Variants in GSE1 observed in about 807,000 individuals in gnomAD.
GSE1 encodes the protein Gse1 coiled-coil protein.
A neutral mutation model predicts 112.6 loss-of-function variants in GSE1; 32 were observed. The observed-to-expected ratio is 0.28, with a 90% CI of 0.21 to 0.38. The LOEUF (loss-of-function observed/expected upper bound fraction) is 0.38. Among genes scored for constraint, GSE1 ranks in the 10% least tolerant of loss-of-function variants. The probability of loss-of-function intolerance (pLI) is 1.00; values close to 1 mark genes in which losing one functional copy is unlikely to be tolerated. For missense variants in GSE1, 2,348 were observed against 1,699.2 expected (o/e 1.38, Z -6.71); for synonymous variants, 1,115 against 735.6 (o/e 1.52, Z -8.35).
At chr16:85,451,243 T>C (rs1421570330) in intron 2 of GSE1, among the ~76,000 whole-genome samples, 1 of 152,148 alleles carries the variant, frequency 6.6e-6, no homozygotes, top group African/African-American at 2.4e-5. Context: ...AATTCCATGG[T>C]GTCCTTTTGT....
At chr16:85,469,398 G>T (rs939882799) in intron 2 of GSE1, among the ~76,000 whole-genome samples, 23 of 152,160 alleles carry the variant, frequency 1.5e-4, no homozygotes. Flanking sequence ...ATGCGCTGGC[G>T]CCCACCAGAT....
At chr16:85,383,110 C>A (rs111210022) in intron 2 of GSE1, among the ~76,000 whole-genome samples, 1 of 151,396 alleles carries the variant, frequency 6.6e-6, no homozygotes, top group African/African-American at 2.4e-5. Flanking sequence ...GCCTGTGCAC[C>A]CACACACAGC....
rs536020647 is a variant in GSE1 at position 85,482,378 on chromosome 16, C to T, written c.2464+124735C>T. On this transcript the variant is annotated intron_variant, in intron 2 of 2. Transcript: ENST00000637419. ...CTGCCCTGCAAGGGGATTAGAAAGG[C>T]TCTACTTGGCTTCAGAGCAGGGACC... Among the ~76,000 whole-genome samples the T allele has an allele frequency of 1.4e-3, 207 of 152,332 alleles. 1 individual carries two copies. Among genetic ancestry groups the T allele is most frequent in the African/African-American group, 4.9e-3 (203 of 41,588 alleles).
At chr16:85,635,242 TGG>T (rs1020687160) in intron 2 of GSE1, among the ~76,000 whole-genome samples, 1 of 151,792 alleles carries the variant, frequency 6.6e-6, no homozygotes, top group African/African-American at 2.4e-5. Context: ...CATTGATGGA[TGG>T]GGGGTATTGG....
At chr16:85,672,133 G>A (rs1157118365) in intron 15 of GSE1, 1 of 383,844 alleles carries the variant, frequency 2.6e-6, no homozygotes, top group African/African-American at 2.1e-5. Flanking sequence ...CGAGTAGCTA[G>A]GATTACAGGT....
chr16:85,365,495 G>A (rs937406417), intron 2 of GSE1, among the ~76,000 whole-genome samples: 1 of 152,218 alleles, frequency 6.6e-6, no homozygotes, highest in Non-Finnish European at 1.5e-5. Context: ...GTACAGACAG[G>A]TTCATTGCAG....
chr16:85,413,330 G>A (rs565385688), intron 2 of GSE1, among the ~76,000 whole-genome samples: 66 of 152,290 alleles, frequency 4.3e-4, no homozygotes, highest in African/African-American at 1.6e-3. Flanking sequence ...TACCTAGGAG[G>A]AAGGCAGGGC....
At chr16:85,463,096 A>G in intron 2 of GSE1, 1 of 985,228 alleles carries the variant, frequency 1.0e-6, no homozygotes. Context: ...CTGGGCATGA[A>G]GACCTGGTCG....
chr16:85,338,062 C>T (rs1444252779), intron 1 of GSE1, among the ~76,000 whole-genome samples: 1 of 152,228 alleles, frequency 6.6e-6, no homozygotes, highest in African/African-American at 2.4e-5. Flanking sequence ...CTTCCCTGTG[C>T]TGGACCTGTG....
intron 1 of GSE1, among the ~76,000 whole-genome samples, chr16:85,275,589 C>T (rs1251847179): frequency 6.6e-6 from 1 of 152,194 alleles, no homozygotes; most frequent in Non-Finnish European, 1.5e-5. Context: ...TTCCCTGTGG[C>T]ATCCTCTCTG....
intron 1 of GSE1, among the ~76,000 whole-genome samples, chr16:85,192,696 C>A (rs1265173372): frequency 1.3e-5 from 2 of 152,284 alleles, no homozygotes; most frequent in Middle Eastern, 3.4e-3. Flanking sequence ...CTGGCCTCCT[C>A]GCCAGCTTCA....
chr16:85,612,550 C>T (rs1211363180), upstream of GSE1, among the ~76,000 whole-genome samples: 2 of 151,946 alleles, frequency 1.3e-5, no homozygotes, highest in Admixed American at 6.5e-5. Flanking sequence ...CCCTGGGCCG[C>T]GGGTTCTTTA....
intron 1 of GSE1, among the ~76,000 whole-genome samples, chr16:85,174,845 G>A (rs1430041772): frequency 6.6e-6 from 1 of 152,232 alleles, no homozygotes; most frequent in Non-Finnish European, 1.5e-5. Flanking sequence ...GAGAGAGGGT[G>A]GAGGGGCTGT....
rs747163912 is a variant in GSE1, at chr16:85,657,478, G to C, written c.1514G>C (p.Arg505Pro). The C allele has an allele frequency of 2.8e-5, 45 of 1,607,322 alleles. No individual in the cohort carries two copies. Among genetic ancestry groups the C allele is most frequent in the Non-Finnish European group, 3.8e-5 (45 of 1,177,576 alleles). The change falls in exon 8 of 16, where the codon CGG becomes CCG. Residue 505 changes from arginine (R) to proline (P), a missense_variant. Arg to Pro is a moderately radical substitution (Grantham distance 103). Coordinates refer to ENST00000253458, the MANE Select transcript of GSE1 (RefSeq NM_014615.5). ...EKWLARQRRL[R>P]QEKEDRQSQV... Reference sequence around the variant, plus strand: ...TGGCTGGCGCGGCAGCGGCGGCTGCGGCAGGAGAAGGAGGACCGGCAGTCT... The same window carrying C: ...TGGCTGGCGCGGCAGCGGCGGCTGCCGCAGGAGAAGGAGGACCGGCAGTCT...
At chr16:85,491,638 G>C (rs1407979278) in intron 2 of GSE1, among the ~76,000 whole-genome samples, 1 of 152,104 alleles carries the variant, frequency 6.6e-6, no homozygotes, top group Non-Finnish European at 1.5e-5. Context: ...TGGCCCGCCT[G>C]AGGAGTCAGA....
At chr16:85,450,281 G>A (rs970669397) in intron 2 of GSE1, among the ~76,000 whole-genome samples, 13 of 151,502 alleles carry the variant, frequency 8.6e-5, no homozygotes, top group African/African-American at 3.2e-4. Context: ...ACCATGCCTG[G>A]CTAATTTTGT....
At chr16:85,340,183 A>T (rs1322642338) in intron 1 of GSE1, among the ~76,000 whole-genome samples, 1 of 152,170 alleles carries the variant, frequency 6.6e-6, no homozygotes, top group East Asian at 1.9e-4. Context: ...CCCCATCTAT[A>T]CAAAATATAG....
intron 1 of GSE1, among the ~76,000 whole-genome samples, chr16:85,341,398 C>T (rs1286184496): frequency 2.6e-5 from 4 of 152,166 alleles, no homozygotes; most frequent in Non-Finnish European, 5.9e-5. Flanking sequence ...TGGCTTATGA[C>T]TATAATCCCA....
At chr16:85,598,323 G>C (rs1377914639) in intron 1 of GSE1, among the ~76,000 whole-genome samples, 2 of 152,096 alleles carry the variant, frequency 1.3e-5, no homozygotes, top group Non-Finnish European at 2.9e-5. Context: ...AGGGCAGTTC[G>C]GGTGGGCTGC....
Sources: gnomAD v4.1 joint callset for allele counts (sites outside exome capture counted in the v4.1 genomes callset) on GRCh38, gnomAD v4.1.1 for gene constraint, MANE v1.5 for transcripts, NCBI Gene and HGNC (gene_info 2026-07-23, HGNC 2026-07-21) for gene names.